The following TNIP3 variants were observed in gnomAD, a reference collection of about 807,000 sequenced individuals.
The protein encoded by TNIP3 is TNFAIP3 interacting protein 3.
A neutral mutation model predicts 54.1 loss-of-function variants in TNIP3; 34 were observed. That is an observed-to-expected ratio of 0.63 (90% CI 0.48 to 0.84). The LOEUF is 0.84. Ranked by LOEUF, TNIP3 falls within the 40% of genes least tolerant of loss-of-function variation. TNIP3 has a pLI of 0.00. For synonymous variants in TNIP3, 134 were observed against 136.8 expected (o/e 0.98, Z 0.14); for missense variants, 366 against 387.6 (o/e 0.94, Z 0.47).
intron 2 of TNIP3, among the ~76,000 whole-genome samples, chr4:121,213,528 C>A (rs966631460): frequency 1.3e-5 from 2 of 151,824 alleles, no homozygotes; most frequent in Admixed American, 1.3e-4. Flanking sequence ...AGATCGAGAC[C>A]ATTCTGGCTA....
intron 2 of TNIP3, among the ~76,000 whole-genome samples, chr4:121,200,868 T>A (rs1560688927): frequency 2.0e-5 from 3 of 152,188 alleles, no homozygotes; most frequent in Admixed American, 1.3e-4. Context: ...AACAAAACTG[T>A]ACTGGAAAAT....
chr4:121,163,269 C>T (rs1261189274), intron 1 of TNIP3, among the ~76,000 whole-genome samples: 1 of 152,120 alleles, frequency 6.6e-6, no homozygotes, highest in Non-Finnish European at 1.5e-5. Context: ...GTTCATATGT[C>T]TCAGGTTTCT....
chr4:121,160,206 C>T (rs571897359), intron 2 of TNIP3, among the ~76,000 whole-genome samples: 18 of 152,238 alleles, frequency 1.2e-4, no homozygotes, highest in South Asian at 4.2e-4. Context: ...AGGCTGGGCA[C>T]GGTGGCTAAC....
At chr4:121,155,394 G>T (rs1730023003) in intron 4 of TNIP3, among the ~76,000 whole-genome samples, 1 of 152,140 alleles carries the variant, frequency 6.6e-6, no homozygotes, top group Non-Finnish European at 1.5e-5. Context: ...ATATCTCAAA[G>T]CTCATTCCTG....
At chr4:121,182,524 G>T (rs1480356981) in intron 3 of TNIP3, among the ~76,000 whole-genome samples, 3 of 152,194 alleles carry the variant, frequency 2.0e-5, no homozygotes, top group Non-Finnish European at 4.4e-5. Context: ...CTGTGTGAGA[G>T]AAGTTTTATA....
At chr4:121,170,014 T>G (rs2148820576) in intron 3 of TNIP3, among the ~76,000 whole-genome samples, 1 of 152,320 alleles carries the variant, frequency 6.6e-6, no homozygotes. Flanking sequence ...TGTTTAAAGA[T>G]TTCTGAGTGC....
At chr4:121,187,805 G>A (rs780214752) in intron 2 of TNIP3, among the ~76,000 whole-genome samples, 17 of 152,226 alleles carry the variant, frequency 1.1e-4, no homozygotes, top group Admixed American at 4.6e-4. Context: ...TGTGTTTATC[G>A]TCTCTTCCTG....
Position 121,138,645 on chromosome 4 carries a change from C to A in TNIP3, c.925G>T (p.Asp309Tyr), listed in dbSNP as rs547449420. 25 of 1,614,062 alleles carry A rather than the reference C, an allele frequency of 1.5e-5. No homozygotes were observed. The South Asian group carries it at 2.5e-4, about 16-fold the overall frequency. ...TCACCATTTGCCTTGTGTTGTACAT[C>A]TGGCGGAAGCTGGTCAAGAGCATAC... is the stretch of plus-strand genomic sequence containing the variant. ...QWYALDQLPP[D>Y]VQHKANGLSS... Residue 309 changes from aspartate to tyrosine, a missense_variant, in exon 10 of 11, where the codon GAT (aspartate) becomes TAT (tyrosine). Physicochemically the swap from Asp to Tyr is radical, Grantham distance 160. Coordinates refer to ENST00000057513, the MANE Select transcript of TNIP3 (RefSeq NM_024873.6).
chr4:121,170,781 G>C (rs1731022658), intron 3 of TNIP3, among the ~76,000 whole-genome samples: 1 of 151,568 alleles, frequency 6.6e-6, no homozygotes. Flanking sequence ...CTATTCTTTT[G>C]TTTTATGTAG....
chr4:121,216,611 G>A (rs1334769403), exon 1 of TNIP3: 1 of 1,483,110 alleles, frequency 6.7e-7, no homozygotes, highest in Non-Finnish European at 8.9e-7. Context: ...TTCATCAAAA[G>A]CCATGTTTTT....
intron 1 of TNIP3, among the ~76,000 whole-genome samples, chr4:121,224,228 T>A (rs1176663339): frequency 5.9e-5 from 9 of 151,688 alleles, no homozygotes; most frequent in African/African-American, 2.2e-4. Flanking sequence ...CTGAATGTGG[T>A]GGTGGGCGCC....
At chr4:121,207,741 A>G (rs999202758) in intron 2 of TNIP3, among the ~76,000 whole-genome samples, 2 of 152,178 alleles carry the variant, frequency 1.3e-5, no homozygotes, top group Non-Finnish European at 2.9e-5. Flanking sequence ...CTAACCTCCA[A>G]GCTGACCTTA....
chr4:121,132,511 A>T lies in TNIP3; in HGVS notation c.*120T>A. 1.1e-6 allele frequency: 1 copy of T among 909,138 alleles called. No individual in the cohort carries two copies. 56.3% of individuals were successfully genotyped at this position (909,138 alleles called of 1,614,324 possible). ...ATACCAAAGGAAAACATGACCAGGC[A>T]CAAATAACAGGGTAGATGATGTGCC... is the stretch of plus-strand genomic sequence containing the variant. On this transcript the variant is annotated 3_prime_UTR_variant, in exon 11 of 11. Coordinates refer to ENST00000057513, the MANE Select transcript of TNIP3 (RefSeq NM_024873.6).
intron 5 of TNIP3, 173 bp downstream of exon 5, chr4:121,154,378 A>G: frequency 1.3e-6 from 1 of 795,818 alleles, no homozygotes; most frequent in Non-Finnish European, 2.0e-6. Context: ...TCCTTAGCCA[A>G]GTATGACTGA....
At chr4:121,176,287 C>T (rs1724327435) in intron 3 of TNIP3, among the ~76,000 whole-genome samples, 1 of 152,178 alleles carries the variant, frequency 6.6e-6, no homozygotes, top group South Asian at 2.1e-4. Context: ...TGCCTGAGAA[C>T]ATGCAGGCAG....
chr4:121,184,551 T>C (rs1724902662), intron 2 of TNIP3, among the ~76,000 whole-genome samples: 1 of 152,152 alleles, frequency 6.6e-6, no homozygotes, highest in Non-Finnish European at 1.5e-5. Flanking sequence ...TCCTGACAAT[T>C]TTCTGGTTTA....
intron 3 of TNIP3, among the ~76,000 whole-genome samples, chr4:121,169,760 T>A (rs1730967835): frequency 6.6e-6 from 1 of 152,208 alleles, no homozygotes; most frequent in Non-Finnish European, 1.5e-5. Flanking sequence ...CAAACCTGGT[T>A]TTGAACTAGG....
chr4:121,194,492 G>A (rs568679636), intron 2 of TNIP3, among the ~76,000 whole-genome samples: 3 of 152,236 alleles, frequency 2.0e-5, no homozygotes, highest in South Asian at 2.1e-4. Flanking sequence ...TGGGGTTTAC[G>A]AAATTAGTGC....
chr4:121,200,192 A>G (rs1293897768), intron 2 of TNIP3, among the ~76,000 whole-genome samples: 1 of 152,062 alleles, frequency 6.6e-6, no homozygotes, highest in Non-Finnish European at 1.5e-5. Flanking sequence ...CTTGGTTCTC[A>G]CCCAAATAGG....
Sources: gnomAD v4.1 joint callset for allele counts (sites outside exome capture counted in the v4.1 genomes callset) on GRCh38, gnomAD v4.1.1 for gene constraint, MANE v1.5 for transcripts, NCBI Gene and HGNC (gene_info 2026-07-23, HGNC 2026-07-21) for gene names.